Variants in COG5 observed in about 807,000 individuals in gnomAD.
COG5 encodes the protein conserved oligomeric Golgi complex subunit 5.
A neutral mutation model predicts 110.4 loss-of-function variants in COG5; 86 were observed. The observed-to-expected ratio is 0.78, with a 90% CI of 0.65 to 0.93. COG5 has a LOEUF of 0.93. Ranked by LOEUF, COG5 falls within the 40% of genes least tolerant of loss-of-function variation. COG5 has a pLI of 0.00. For missense variants in COG5, 1,077 were observed against 987.0 expected, an observed-to-expected ratio of 1.09 and a Z score of -1.22; for synonymous variants, 360 against 334.6, an observed-to-expected ratio of 1.08 and a Z score of -0.83.
At chr7:107,348,947 G>GAA (rs1339647078) in intron 10 of COG5, among the ~76,000 whole-genome samples, 2 of 151,604 alleles carry the variant, frequency 1.3e-5, no homozygotes, top group East Asian at 3.9e-4. Flanking sequence ...CTGCAGACTC[G>GAA]AACTCCTGGG....
rs143211096 is a variant in COG5, at chr7:107,485,017, G to A, written c.538+42220C>T. Among the ~76,000 whole-genome samples the A allele has an allele frequency of 7.6e-4, 115 of 152,192 alleles. 1 individual carries two copies. The highest frequency in any genetic ancestry group is 2.6e-3 in the African/African-American group (109 of 41,544). ...TTACCTTCTCCTTCCCTTACCCCAC[G>A]ACCTTCAGAGATTCACTAATTAAGA... On this transcript the variant is annotated intron_variant, in intron 6 of 21. Transcript: ENST00000297135.
chr7:107,232,221 T>G (rs940797301), intron 18 of COG5, among the ~76,000 whole-genome samples: 1 of 152,204 alleles, frequency 6.6e-6, no homozygotes, highest in Non-Finnish European at 1.5e-5. Flanking sequence ...ACAGAACAGC[T>G]GTGAGCCAGT....
At chr7:107,410,737 C>T (rs1471332009) in intron 7 of COG5, among the ~76,000 whole-genome samples, 2 of 151,930 alleles carry the variant, frequency 1.3e-5, no homozygotes, top group Admixed American at 6.6e-5. Flanking sequence ...CCACCGTGCC[C>T]GGCCAACAGA....
chr7:107,249,690 T>TTG (rs57572752), intron 16 of COG5, among the ~76,000 whole-genome samples: 3,103 of 131,676 alleles, frequency 0.024, 46 homozygotes, highest in South Asian at 0.047. Context: ...ACGTACAGGA[T>TTG]TGTGTGTGTG....
At chr7:107,378,184 C>A (rs1314068695) in intron 7 of COG5, among the ~76,000 whole-genome samples, 1 of 152,070 alleles carries the variant, frequency 6.6e-6, no homozygotes, top group Non-Finnish European at 1.5e-5. Flanking sequence ...AGGGGTCTGA[C>A]CGTCAGAAGG....
intron 10 of COG5, among the ~76,000 whole-genome samples, chr7:107,338,689 C>G (rs971234743): frequency 6.6e-6 from 1 of 152,012 alleles, no homozygotes; most frequent in Admixed American, 6.6e-5. Context: ...AAGCAACCTA[C>G]AGAATGGGAT....
At chr7:107,449,517 G>A (rs1364378592) in intron 6 of COG5, among the ~76,000 whole-genome samples, 2 of 152,092 alleles carry the variant, frequency 1.3e-5, no homozygotes, top group Non-Finnish European at 2.9e-5. Context: ...CTAGTATTGT[G>A]TTATCACAAT....
At chr7:107,554,862 T>C (rs1368928254) in intron 2 of COG5, among the ~76,000 whole-genome samples, 1 of 152,174 alleles carries the variant, frequency 6.6e-6, no homozygotes, top group African/African-American at 2.4e-5. Flanking sequence ...TATTGGAGAT[T>C]AAGTTTCAAC....
chr7:107,483,481 G>A (rs1169524648), intron 6 of COG5, among the ~76,000 whole-genome samples: 1 of 152,086 alleles, frequency 6.6e-6, no homozygotes, highest in Non-Finnish European at 1.5e-5. Flanking sequence ...TGAGGTGGGT[G>A]GATCACCTGA....
intron 11 of COG5, among the ~76,000 whole-genome samples, chr7:107,319,478 T>C (rs1453066223): frequency 2.6e-5 from 4 of 152,200 alleles, no homozygotes; most frequent in South Asian, 4.1e-4. Flanking sequence ...TTTTTTTGTG[T>C]GTGCAGCTGT....
intron 7 of COG5, among the ~76,000 whole-genome samples, chr7:107,377,057 T>C (rs1393812893): frequency 6.6e-6 from 1 of 152,152 alleles, no homozygotes; most frequent in Non-Finnish European, 1.5e-5. Flanking sequence ...CATTTTCATA[T>C]TGACATTAAC....
intron 12 of COG5, among the ~76,000 whole-genome samples, chr7:107,290,790 T>C (rs1030287406): frequency 1.3e-5 from 2 of 152,144 alleles, no homozygotes; most frequent in African/African-American, 4.8e-5. Context: ...TGGGACTCCC[T>C]TGTAAGTGAA....
At position 107,283,552 on chromosome 7, in the gene COG5, C is replaced by T; in HGVS notation, c.1475+19G>A. Reference sequence around the variant, plus strand: ...ATGGCAGTCATCTTATGGCAAGCCACTATATAAAAAATACATACCTTGCTA... The same window carrying T: ...ATGGCAGTCATCTTATGGCAAGCCATTATATAAAAAATACATACCTTGCTA... On this transcript the variant is annotated intron_variant, in intron 13 of 21. Coordinates refer to ENST00000297135, the MANE Select transcript of COG5 (RefSeq NM_006348.5). 6 of 1,605,108 alleles carry T rather than the reference C, an allele frequency of 3.7e-6. No individual in the cohort carries two copies. The highest frequency in any genetic ancestry group is 5.1e-6 in the Non-Finnish European group (6 of 1,172,118).
At chr7:107,433,754 T>A (rs1425712643) in intron 6 of COG5, among the ~76,000 whole-genome samples, 1 of 152,170 alleles carries the variant, frequency 6.6e-6, no homozygotes, top group African/African-American at 2.4e-5. Context: ...TTTCATGGCA[T>A]TGAATCTGGC....
At chr7:107,354,479 C>CT (rs772605703) in intron 10 of COG5, among the ~76,000 whole-genome samples, 104 of 152,274 alleles carry the variant, frequency 6.8e-4, no homozygotes, top group Non-Finnish European at 1.4e-3. Flanking sequence ...GAGTTCGAGA[C>CT]CAGTCCTACC....
At chr7:107,306,417 T>G (rs1367177141) in intron 11 of COG5, among the ~76,000 whole-genome samples, 1 of 152,174 alleles carries the variant, frequency 6.6e-6, no homozygotes, top group Non-Finnish European at 1.5e-5. Flanking sequence ...TTTTCTTTAA[T>G]TATAGTTCAG....
At chr7:107,293,118 A>G (rs1806311879) in intron 12 of COG5, among the ~76,000 whole-genome samples, 1 of 152,152 alleles carries the variant, frequency 6.6e-6, no homozygotes, top group African/African-American at 2.4e-5. Flanking sequence ...AGGCAATTGC[A>G]TGAGGTCCTT....
intron 10 of COG5, among the ~76,000 whole-genome samples, chr7:107,344,844 G>A (rs1052972848): frequency 2.0e-5 from 3 of 152,044 alleles, no homozygotes; most frequent in South Asian, 2.1e-4. Flanking sequence ...CTTTCTTATC[G>A]TTCATGTATT....
chr7:107,278,280 T>C (rs918589187), intron 14 of COG5, among the ~76,000 whole-genome samples: 1 of 152,154 alleles, frequency 6.6e-6, no homozygotes, highest in Non-Finnish European at 1.5e-5. Context: ...GTTCTTTTCT[T>C]TTTTATTATA....
Sources: allele counts gnomAD v4.1 joint callset (sites outside exome capture counted in the v4.1 genomes callset), GRCh38; gene constraint gnomAD v4.1.1; transcripts MANE v1.5; gene names NCBI Gene and HGNC (gene_info 2026-07-23, HGNC 2026-07-21).